Variants in BTNL2 observed in about 807,000 individuals in gnomAD.
BTNL2 encodes butyrophilin-like protein 2.
In BTNL2, 46 loss-of-function variants were observed where a neutral mutation model predicts 46.8. The observed-to-expected ratio is 0.98, with a 90% CI of 0.78 to 1.26. BTNL2 has a LOEUF of 1.26. Among genes scored for constraint, BTNL2 ranks in the 50% most tolerant of loss-of-function variants. The pLI, the probability that BTNL2 is intolerant of heterozygous loss-of-function variation, is 0.00. For missense variants in BTNL2, 461 were observed against 592.6 expected (o/e 0.78, Z 2.31); for synonymous variants, 226 against 229.1 (o/e 0.99, Z 0.12).
chr6:32,393,875 A>C lies in BTNL2; in HGVS notation c.*6+88T>G. The C allele has an allele frequency of 6.7e-7, 1 of 1,483,968 alleles. No homozygotes were observed. The highest frequency in any genetic ancestry group is 9.0e-7 in the Non-Finnish European group (1 of 1,112,230). The allele number at this position is 1,483,968 out of a possible 1,614,324, so 91.9% of individuals were successfully genotyped here. On this transcript the variant is annotated intron_variant, in intron 7 of 7. Coordinates refer to ENST00000454136, the MANE Select transcript of BTNL2 (RefSeq NM_001304561.2). The surrounding 1 kb of genome is among the most constrained non-coding windows in gnomAD (Gnocchi z 4.8). ...TGGATATTCACTGACTGCCTCCCAT[A>C]GGTGACTTGTGAAAAGGGAGGCTCG...
intron 4 of BTNL2, among the ~76,000 whole-genome samples, chr6:32,398,669 T>C (rs1776585472): frequency 6.6e-6 from 1 of 152,204 alleles, no homozygotes; most frequent in Non-Finnish European, 1.5e-5. Flanking sequence ...TATTAGATCT[T>C]AAACTGGCTT....
At chr6:32,398,558 C>A (rs564930136) in intron 4 of BTNL2, among the ~76,000 whole-genome samples, 2 of 152,302 alleles carry the variant, frequency 1.3e-5, no homozygotes, top group African/African-American at 4.8e-5. Context: ...GTTTCTGCAT[C>A]CACATGGCTT....
intron 4 of BTNL2, among the ~76,000 whole-genome samples, chr6:32,397,461 C>T (rs1776521712): frequency 6.6e-6 from 1 of 152,164 alleles, no homozygotes; most frequent in Admixed American, 6.5e-5. Context: ...TCTCTGAAAC[C>T]GTTCTGATTC....
chr6:32,396,746 C>T lies in BTNL2; in HGVS notation c.731-360G>A, dbSNP rs540861029. Among the ~76,000 whole-genome samples, 15 of 152,152 alleles carry T rather than the reference C, an allele frequency of 9.9e-5. No individual in the cohort carries two copies. The highest frequency in any genetic ancestry group is 3.4e-4 in the African/African-American group (14 of 41,498). On this transcript the variant is annotated intron_variant, in intron 4 of 7. Coordinates refer to ENST00000454136, the MANE Select transcript of BTNL2 (RefSeq NM_001304561.2). The surrounding 1 kb of genome is among the most constrained non-coding windows in gnomAD (Gnocchi z 4.4). ...CTATAATCCCAGCACTTTGGGAGGC[C>T]GAAGCGGGTGGATCACCAGAGGTCA... is the stretch of plus-strand genomic sequence containing the variant.
chr6:32,395,323 C>G (rs118011756), intron 5 of BTNL2, among the ~76,000 whole-genome samples: 1,858 of 152,232 alleles, frequency 0.012, 69 homozygotes, highest in East Asian at 0.11. Context: ...GGGCATGGGT[C>G]ACATGGACAG....
Position 32,396,041 on chromosome 6 carries a change from A to T in BTNL2, c.1076T>A (p.Val359Glu). Residue 359 changes from valine (V) to glutamate (E), a missense_variant and splice_region_variant, in exon 5 of 8, where the codon GTA becomes GAA. Transcript: ENST00000454136. This position sits in a 1 kb window ranked among gnomAD's most constrained non-coding sequence, Gnocchi z 4.4. The part of the protein sequence containing the change: ...YQEASLDLKV[V>E]SLGSSPLITV... The stretch of plus-strand genomic sequence containing the variant: ...AAATATCTATCTAGAATTCTTACTT[A>T]CCACCTTCAGATCCAAACTGGCCTC... 6.2e-7 allele frequency: 1 copy of T among 1,609,680 alleles called. No homozygotes were observed. The highest frequency in any genetic ancestry group is 8.5e-7 in the Non-Finnish European group (1 of 1,177,400).
intron 1 of BTNL2, chr6:32,406,829 A>C (rs1777182395): frequency 2.3e-6 from 1 of 434,372 alleles, no homozygotes; most frequent in Non-Finnish European, 4.2e-6. Context: ...TGAAAGAACT[A>C]AGGTATGAGG....
At chr6:32,402,913 G>T (rs747226842) in intron 3 of BTNL2, 22 bp downstream of exon 3, 20 of 1,609,034 alleles carry the variant, frequency 1.2e-5, no homozygotes, top group Admixed American at 6.7e-5. Flanking sequence ...GAGCATGTGG[G>T]TCCTAGAGGC....
At chr6:32,403,354 C>T in intron 2 of BTNL2, 138 bp from the exon 3 acceptor site, 1 of 899,068 alleles carries the variant, frequency 1.1e-6, no homozygotes, top group Non-Finnish European at 1.6e-6. Context: ...ACCTCAGTCT[C>T]CCCATTCAAA....
chr6:32,400,782 G>A (rs112592682), intron 4 of BTNL2, among the ~76,000 whole-genome samples: 4 of 137,892 alleles, frequency 2.9e-5, no homozygotes, highest in Admixed American at 2.3e-4. Context: ...GTGTGGTGGC[G>A]CATGCCTGTA....
Position 32,396,523 on chromosome 6 carries a change from T to A in BTNL2, c.731-137A>T. 3.7e-6 allele frequency: 3 copies of A among 813,194 alleles called. No homozygotes were observed. Among genetic ancestry groups the A allele is most frequent in the Non-Finnish European group, 6.0e-6 (3 of 496,054 alleles). The allele number at this position is 813,194 out of a possible 1,614,324, so 50.4% of individuals were successfully genotyped here. On this transcript the variant is annotated intron_variant, in intron 4 of 7. Transcript: ENST00000454136. The surrounding 1 kb of genome is among the most constrained non-coding windows in gnomAD (Gnocchi z 4.4). ...TGTGAGGCTCAGGGTCATCCTTAGG[T>A]GAGGTGGGGGTTTCATGGACTCAGA...
intron 2 of BTNL2, 141 bp from the exon 3 acceptor site, chr6:32,403,357 C>T: frequency 1.2e-6 from 1 of 865,100 alleles, no homozygotes; most frequent in African/African-American, 1.7e-5. Flanking sequence ...TCAGTCTCCC[C>T]ATTCAAATGT....
Position 32,393,691 on chromosome 6 carries a change from C to T in BTNL2, c.*6+272G>A, listed in dbSNP as rs1475150338. 3.2e-6 allele frequency: 1 copy of T among 310,050 alleles called. No individual in the cohort carries two copies. 19.2% of individuals were successfully genotyped at this position (310,050 alleles called of 1,614,324 possible). ...ACTACTCACTTTTTTCTTCTTCTTC[C>T]CTAACCAGATCACTGGGGAATGGGC... is the stretch of plus-strand genomic sequence containing the variant. On this transcript the variant is annotated intron_variant, in intron 7 of 7. Transcript: ENST00000454136. The surrounding 1 kb of genome is among the most constrained non-coding windows in gnomAD (Gnocchi z 4.8).
At chr6:32,400,395 G>A (rs959304390) in intron 4 of BTNL2, among the ~76,000 whole-genome samples, 2 of 152,088 alleles carry the variant, frequency 1.3e-5, no homozygotes, top group African/African-American at 4.8e-5. Context: ...GGAGAGCAAG[G>A]AATTGATGGA....
In BTNL2 at chr6:32,394,080, C is replaced by T; in HGVS notation, c.1361-23G>A. On this transcript the variant is annotated intron_variant, in intron 6 of 7. Transcript: ENST00000454136. This position sits in a 1 kb window ranked among gnomAD's most constrained non-coding sequence, Gnocchi z 4.6. The stretch of plus-strand genomic sequence containing the variant: ...ACTCTAAAATGGAAACCCAAGAATC[C>T]CTTGAAACTGTGAAACTGGGACAAT... 6.5e-7 allele frequency: 1 copy of T among 1,548,102 alleles called. No homozygotes were observed. The highest frequency in any genetic ancestry group is 8.7e-7 in the Non-Finnish European group (1 of 1,145,188).
rs17208832 is a variant in BTNL2, at chr6:32,404,698, G to T, written c.427+241C>A. 2.4e-3 allele frequency among the ~76,000 whole-genome samples: 361 copies of T among 152,332 alleles called. 3 individuals are homozygous for T. The highest frequency in any genetic ancestry group is 4.2e-3 in the Non-Finnish European group (288 of 68,022). On this transcript the variant is annotated intron_variant, in intron 2 of 7. Coordinates refer to ENST00000454136, the MANE Select transcript of BTNL2 (RefSeq NM_001304561.2). ...TCAGCAAAATTGCTAAAGACTGCAT[G>T]TCATGGATTCCAAATAATCCTCAAG...
At chr6:32,401,933 C>A in intron 3 of BTNL2, 128 bp from the exon 4 acceptor site, 1 of 650,326 alleles carries the variant, frequency 1.5e-6, no homozygotes. Flanking sequence ...AAATGAAATG[C>A]AGAAAAATAC....
chr6:32,400,434 G>A (rs533201848), intron 4 of BTNL2, among the ~76,000 whole-genome samples: 176 of 152,250 alleles, frequency 1.2e-3, no homozygotes, highest in Non-Finnish European at 1.9e-3. Context: ...CACGTTCTAT[G>A]CACCTAGGCA....
At chr6:32,403,329 A>T in intron 2 of BTNL2, 113 bp from the exon 3 acceptor site, 1 of 1,198,100 alleles carries the variant, frequency 8.3e-7, no homozygotes, top group Non-Finnish European at 1.1e-6. Flanking sequence ...CAGGAGTCTG[A>T]GGAGCAGAAA....
Sources: allele counts gnomAD v4.1 joint callset (sites outside exome capture counted in the v4.1 genomes callset), GRCh38; gene constraint gnomAD v4.1.1; non-coding constraint Gnocchi (gnomAD v3.1); transcripts MANE v1.5; gene names NCBI Gene and HGNC (gene_info 2026-07-23, HGNC 2026-07-21).